Variants in NPAS3 observed in about 807,000 individuals in gnomAD.
NPAS3 encodes neuronal PAS domain protein 3, also known as neuronal PAS domain-containing protein 3.
In NPAS3, 14 loss-of-function variants were observed where a neutral mutation model predicts 73.1. That is an observed-to-expected ratio of 0.19 (90% CI 0.13 to 0.30). The LOEUF is 0.30. Among genes scored for constraint, NPAS3 ranks in the 10% least tolerant of loss-of-function variants. The pLI is 1.00. For missense variants in NPAS3, 1,096 were observed against 1,250.0 expected, an observed-to-expected ratio of 0.88 and a Z score of 1.86; for synonymous variants, 620 against 541.5, an observed-to-expected ratio of 1.14 and a Z score of -2.01.
intron 2 of NPAS3, among the ~76,000 whole-genome samples, chr14:33,136,449 A>C (rs2043842687): frequency 6.6e-6 from 1 of 152,218 alleles, no homozygotes; most frequent in Non-Finnish European, 1.5e-5. Flanking sequence ...ACACATTGAT[A>C]ATGCAGGCTA....
chr14:33,190,610 GTGTGTCTTTTAATTTTGCC>G (rs2046136562), intron 2 of NPAS3, among the ~76,000 whole-genome samples: 1 of 152,312 alleles, frequency 6.6e-6, no homozygotes, highest in East Asian at 1.9e-4. Flanking sequence ...AATGAACAAA[GTGTGTCTTTTAATTTTGCC>G]TGTGGCAGAA....
At chr14:33,674,664 G>A (rs376267097) in intron 5 of NPAS3, among the ~76,000 whole-genome samples, 47 of 152,352 alleles carry the variant, frequency 3.1e-4, no homozygotes, top group Middle Eastern at 3.4e-3. Flanking sequence ...GATATAGTCA[G>A]TGGTTGGGTG....
At chr14:33,316,112 T>C (rs1281877024) in intron 3 of NPAS3, among the ~76,000 whole-genome samples, 1 of 152,124 alleles carries the variant, frequency 6.6e-6, no homozygotes, top group Non-Finnish European at 1.5e-5. Flanking sequence ...GTCTTTTAAG[T>C]AGAATTAACG....
intron 2 of NPAS3, among the ~76,000 whole-genome samples, chr14:33,099,516 G>T (rs1269723038): frequency 6.6e-6 from 1 of 152,100 alleles, no homozygotes; most frequent in African/African-American, 2.4e-5. Context: ...AATGGCACTA[G>T]GAAATGGTGA....
intron 4 of NPAS3, among the ~76,000 whole-genome samples, chr14:33,465,344 A>G (rs1161313423): frequency 2.0e-5 from 3 of 152,226 alleles, no homozygotes; most frequent in Admixed American, 6.5e-5. Flanking sequence ...AAGACGTTAA[A>G]TGCCTACTAT....
intron 2 of NPAS3, among the ~76,000 whole-genome samples, chr14:33,122,548 T>C (rs925437688): frequency 1.3e-5 from 2 of 152,168 alleles, no homozygotes; most frequent in Non-Finnish European, 2.9e-5. Flanking sequence ...TTGGTTCTGC[T>C]AATACTATTA....
chr14:33,323,935 T>A (rs1188013970), intron 3 of NPAS3, among the ~76,000 whole-genome samples: 3 of 152,250 alleles, frequency 2.0e-5, no homozygotes, highest in Non-Finnish European at 4.4e-5. Flanking sequence ...CCACTCTGTT[T>A]TTTGTAATTA....
chr14:33,639,336 T>C (rs1049860453), intron 5 of NPAS3, among the ~76,000 whole-genome samples: 1 of 152,130 alleles, frequency 6.6e-6, no homozygotes, highest in African/African-American at 2.4e-5. Context: ...AGAAGAATTG[T>C]GCTACCCCTA....
chr14:33,598,271 C>A (rs1248367125), intron 5 of NPAS3, among the ~76,000 whole-genome samples: 1 of 152,170 alleles, frequency 6.6e-6, no homozygotes, highest in Non-Finnish European at 1.5e-5. Flanking sequence ...TTTTTCCATC[C>A]TGCCCAGAGC....
At chr14:33,695,374 A>C (rs991488702) in intron 6 of NPAS3, among the ~76,000 whole-genome samples, 5 of 152,210 alleles carry the variant, frequency 3.3e-5, no homozygotes, top group African/African-American at 1.2e-4. Context: ...TTTGTTTCCC[A>C]AAGTGAAAAT....
Position 33,800,396 on chromosome 14 carries a change from G to T in NPAS3, c.2089G>T (p.Gly697Cys). ...TGAGCACTTCCCGTCCCCGCAGGGC[G>T]GCGGCGGTGGGGGTGGCGGTGGCGG... Residue 697 changes from glycine to cysteine, a missense_variant, in exon 12 of 12, where the codon GGC becomes TGC. Transcript: ENST00000356141. This position sits in a 1 kb window ranked among gnomAD's most constrained non-coding sequence, Gnocchi z 6.5. 6.2e-7 allele frequency: 1 copy of T among 1,605,016 alleles called. No individual in the cohort carries two copies. Among genetic ancestry groups the T allele is most frequent in the Non-Finnish European group, 8.5e-7 (1 of 1,177,390 alleles).
At chr14:33,227,179 T>C (rs1309395818) in intron 3 of NPAS3, among the ~76,000 whole-genome samples, 2 of 152,198 alleles carry the variant, frequency 1.3e-5, no homozygotes, top group African/African-American at 4.8e-5. Context: ...AGCTGACACC[T>C]GACCTAAAGT....
intron 4 of NPAS3, among the ~76,000 whole-genome samples, chr14:33,558,042 T>C (rs546231817): frequency 2.0e-4 from 30 of 152,368 alleles, no homozygotes; most frequent in Admixed American, 4.6e-4. Context: ...AGAGACAATA[T>C]GTGCAAACTG....
At chr14:33,415,128 G>A (rs1325512300) in intron 4 of NPAS3, among the ~76,000 whole-genome samples, 4 of 152,102 alleles carry the variant, frequency 2.6e-5, no homozygotes, top group Non-Finnish European at 5.9e-5. Flanking sequence ...TCCATGCAGA[G>A]CCCCAGAATT....
In NPAS3 at chr14:33,045,317, T is replaced by C. The variant is rs940115316; in HGVS notation, c.51-10588T>C. 2.5e-4 allele frequency among the ~76,000 whole-genome samples: 38 copies of C among 152,230 alleles called. 1 individual carries two copies. Among genetic ancestry groups the C allele is most frequent in the Admixed American group, 2.2e-3 (33 of 15,284 alleles). On this transcript the variant is annotated intron_variant, in intron 1 of 11. Transcript: ENST00000356141. ...CTGTATCTTTATTTCTGAGATTTGC[T>C]GGAGAAATCTTAGTATTTGTTTCCT...
intron 2 of NPAS3, among the ~76,000 whole-genome samples, chr14:33,106,804 C>T (rs2042735719): frequency 6.6e-6 from 1 of 152,034 alleles, no homozygotes. Context: ...ATGATAAAAC[C>T]AAGAACACCA....
At chr14:33,161,681 AGTT>A (rs1280563293) in intron 2 of NPAS3, among the ~76,000 whole-genome samples, 4 of 152,214 alleles carry the variant, frequency 2.6e-5, no homozygotes, top group African/African-American at 4.8e-5. Context: ...AGAGATCAAT[AGTT>A]GTTGTCTTGT....
chr14:33,506,779 T>C (rs544199883), intron 4 of NPAS3, among the ~76,000 whole-genome samples: 2 of 152,136 alleles, frequency 1.3e-5, no homozygotes, highest in South Asian at 4.1e-4. Flanking sequence ...CAGGTCTAGG[T>C]AGATTACTGT....
intron 6 of NPAS3, among the ~76,000 whole-genome samples, chr14:33,695,442 A>G (rs929801805): frequency 6.6e-6 from 1 of 152,192 alleles, no homozygotes; most frequent in Non-Finnish European, 1.5e-5. Context: ...AAATGGTTTT[A>G]TCTTGATTTT....
Sources: allele counts gnomAD v4.1 joint callset (sites outside exome capture counted in the v4.1 genomes callset), GRCh38; gene constraint gnomAD v4.1.1; non-coding constraint Gnocchi (gnomAD v3.1); transcripts MANE v1.5; gene names NCBI Gene and HGNC (gene_info 2026-07-23, HGNC 2026-07-21).